MAGI1: variants seen among roughly 807,000 people sequenced by gnomAD.
The protein encoded by MAGI1 is membrane-associated guanylate kinase, WW and PDZ domain-containing protein 1.
A neutral mutation model predicts 139.9 loss-of-function variants in MAGI1; 58 were observed. That is an observed-to-expected ratio of 0.41 (90% CI 0.34 to 0.52). MAGI1 has a LOEUF of 0.52. Among genes scored for constraint, MAGI1 ranks in the 20% least tolerant of loss-of-function variants. MAGI1 has a pLI of 0.12. For synonymous variants in MAGI1, 812 were observed against 737.9 expected (o/e 1.10, Z -1.63); for missense variants, 1,874 against 1,901.6 (o/e 0.99, Z 0.27).
chr3:65,872,628 C>A (rs967791817), intron 1 of MAGI1, among the ~76,000 whole-genome samples: 1 of 152,120 alleles, frequency 6.6e-6, no homozygotes, highest in Non-Finnish European at 1.5e-5. Flanking sequence ...ATAAATAGAG[C>A]AGCTTTATTG....
At chr3:65,408,589 A>G (rs1325191948) in intron 12 of MAGI1, among the ~76,000 whole-genome samples, 1 of 152,202 alleles carries the variant, frequency 6.6e-6, no homozygotes, top group Non-Finnish European at 1.5e-5. Flanking sequence ...CAGTGGTTCT[A>G]AACAATGAAC....
rs866148116 is a variant in MAGI1, at chr3:65,493,441, G to A, written c.550+71C>T. On this transcript the variant is annotated intron_variant, in intron 3 of 22. Transcript: ENST00000402939. Reference sequence around the variant, plus strand: ...CCTCCAGATTCCACAAAACATTTTTGCCTGGATGGCTCTGGCTCCTCTCAA... The same window carrying A: ...CCTCCAGATTCCACAAAACATTTTTACCTGGATGGCTCTGGCTCCTCTCAA... 28 of 1,585,086 alleles carry A rather than the reference G, an allele frequency of 1.8e-5. No homozygotes were observed. The Middle Eastern group carries it at 1.0e-3, about 59-fold the overall frequency.
intron 1 of MAGI1, among the ~76,000 whole-genome samples, chr3:65,636,419 C>CT (rs1171790941): frequency 5.9e-5 from 9 of 152,184 alleles, no homozygotes; most frequent in African/African-American, 1.9e-4. Context: ...TTCCACCTCA[C>CT]TGTAGTCTTC....
intron 1 of MAGI1, among the ~76,000 whole-genome samples, chr3:65,814,251 AC>A (rs2041462727): frequency 6.6e-6 from 1 of 152,094 alleles, no homozygotes; most frequent in Non-Finnish European, 1.5e-5. Flanking sequence ...TCTACATAAA[AC>A]AGTCATGATA....
At chr3:65,684,035 T>C (rs1386346233) in intron 1 of MAGI1, among the ~76,000 whole-genome samples, 3 of 148,624 alleles carry the variant, frequency 2.0e-5, no homozygotes, top group East Asian at 2.0e-4. Flanking sequence ...TTATCCAGGA[T>C]GGATGGCATA....
At chr3:65,950,624 T>C (rs2063790402) in intron 1 of MAGI1, among the ~76,000 whole-genome samples, 1 of 152,154 alleles carries the variant, frequency 6.6e-6, no homozygotes, top group African/African-American at 2.4e-5. Context: ...ATACCAAAGA[T>C]TGCTCAAAGG....
At chr3:65,919,575 AAG>A (rs2062071123) in intron 1 of MAGI1, among the ~76,000 whole-genome samples, 1 of 150,538 alleles carries the variant, frequency 6.6e-6, no homozygotes, top group Non-Finnish European at 1.5e-5. Flanking sequence ...AAAAAACAAA[AAG>A]AAAAAACAAA....
chr3:65,663,488 AAG>A (rs2086321535), intron 1 of MAGI1, among the ~76,000 whole-genome samples: 1 of 152,194 alleles, frequency 6.6e-6, no homozygotes, highest in African/African-American at 2.4e-5. Context: ...CAGAACGGAG[AAG>A]AGGAGTCAAA....
intron 2 of MAGI1, among the ~76,000 whole-genome samples, chr3:65,600,886 G>A (rs1049424907): frequency 1.3e-5 from 2 of 152,166 alleles, no homozygotes; most frequent in African/African-American, 4.8e-5. Flanking sequence ...TGGGATCTGG[G>A]GCTAGACCAG....
At chr3:65,946,666 T>C (rs534669287) in intron 1 of MAGI1, among the ~76,000 whole-genome samples, 1 of 152,188 alleles carries the variant, frequency 6.6e-6, no homozygotes, top group African/African-American at 2.4e-5. Flanking sequence ...TTCCCAATAA[T>C]GGTATCCTGA....
chr3:65,897,806 T>A (rs1188670259), intron 1 of MAGI1, among the ~76,000 whole-genome samples: 7 of 150,646 alleles, frequency 4.6e-5, no homozygotes, highest in Non-Finnish European at 7.4e-5. Context: ...GAGGCCGAAG[T>A]GAGCTATGAT....
chr3:65,641,667 T>C (rs1370597560), intron 1 of MAGI1, among the ~76,000 whole-genome samples: 1 of 152,076 alleles, frequency 6.6e-6, no homozygotes, highest in East Asian at 1.9e-4. Flanking sequence ...ATCAATGAGA[T>C]AAGGAAGTGG....
rs181060669 is a variant in MAGI1, at chr3:65,492,172, T to C, written c.550+1340A>G. 1.1e-3 allele frequency among the ~76,000 whole-genome samples: 169 copies of C among 152,380 alleles called. 1 individual carries two copies. Among genetic ancestry groups the C allele is most frequent in the African/African-American group, 4.0e-3 (166 of 41,594 alleles). ...AGAGTTTGTAAAGAGATACACATAATAACTTGACCAAGTTAATAATCTGTC... is the reference window on the plus strand; with the variant it reads ...AGAGTTTGTAAAGAGATACACATAACAACTTGACCAAGTTAATAATCTGTC... On this transcript the variant is annotated intron_variant, in intron 3 of 22. Transcript: ENST00000402939.
chr3:65,689,055 A>T (rs12635082), intron 1 of MAGI1, among the ~76,000 whole-genome samples: 20,996 of 152,086 alleles, frequency 0.14, 2,244 homozygotes, highest in East Asian at 0.43. Flanking sequence ...TGAGATGTTA[A>T]GTCACTAAAA....
At chr3:65,830,905 G>A (rs1416266231) in intron 1 of MAGI1, among the ~76,000 whole-genome samples, 1 of 152,162 alleles carries the variant, frequency 6.6e-6, no homozygotes, top group Non-Finnish European at 1.5e-5. Context: ...AAACTATGGA[G>A]AGGGTGACAT....
chr3:65,584,028 AGACTCT>A (rs1250443878), intron 2 of MAGI1, among the ~76,000 whole-genome samples: 1 of 149,038 alleles, frequency 6.7e-6, no homozygotes. Flanking sequence ...CAGCACATCC[AGACTCT>A]GACATTCTCT....
intron 1 of MAGI1, among the ~76,000 whole-genome samples, chr3:65,868,559 A>G (rs1464093302): frequency 6.6e-6 from 1 of 152,070 alleles, no homozygotes; most frequent in African/African-American, 2.4e-5. Flanking sequence ...TCACAAATGC[A>G]CTCAGCATAT....
intron 1 of MAGI1, among the ~76,000 whole-genome samples, chr3:65,696,462 A>G (rs2089200754): frequency 6.6e-6 from 1 of 152,162 alleles, no homozygotes; most frequent in South Asian, 2.1e-4. Flanking sequence ...AACACTTAGA[A>G]CAGTAGTTGA....
intron 14 of MAGI1, among the ~76,000 whole-genome samples, chr3:65,384,349 T>A (rs1943280007): frequency 6.6e-6 from 1 of 152,228 alleles, no homozygotes; most frequent in African/African-American, 2.4e-5. Flanking sequence ...CGTACAGATT[T>A]TTTTCTTCTC....
Sources: allele counts gnomAD v4.1 joint callset (sites outside exome capture counted in the v4.1 genomes callset), GRCh38; gene constraint gnomAD v4.1.1; transcripts MANE v1.5; gene names NCBI Gene and HGNC (gene_info 2026-07-23, HGNC 2026-07-21).